PCDH7: variants seen among roughly 807,000 people sequenced by gnomAD.
PCDH7 encodes protocadherin 7.
PCDH7 carries 17 observed loss-of-function variants against 58.9 expected under a neutral mutation model. The ratio of observed to expected loss-of-function variants is 0.29; its 90% CI spans 0.20 to 0.43. The LOEUF (loss-of-function observed/expected upper bound fraction) is 0.43. Ranked by LOEUF, PCDH7 falls within the 20% of genes least tolerant of loss-of-function variation. The probability of loss-of-function intolerance (pLI) is 1.00; values close to 1 mark genes in which losing one functional copy is unlikely to be tolerated. For missense variants in PCDH7, 1,274 were observed against 1,441.0 expected (o/e 0.88, Z 1.88); for synonymous variants, 664 against 616.4 (o/e 1.08, Z -1.14).
At chr4:31,128,783 G>A (rs1040519878) in intron 3 of PCDH7, among the ~76,000 whole-genome samples, 1 of 152,102 alleles carries the variant, frequency 6.6e-6, no homozygotes, top group African/African-American at 2.4e-5. Context: ...TGCATTTTGT[G>A]TTATAAAACA....
downstream of PCDH7, chr4:31,144,861 AT>A (rs1264737731): frequency 1.3e-5 from 2 of 152,164 alleles, no homozygotes; most frequent in Non-Finnish European, 2.9e-5. Flanking sequence ...ATGTTTGATT[AT>A]TATTTACACT....
intron 1 of PCDH7, among the ~76,000 whole-genome samples, chr4:30,787,978 A>G (rs1723629774): frequency 6.6e-6 from 1 of 152,090 alleles, no homozygotes. Flanking sequence ...TATTTAATGC[A>G]ATTGAGCCGT....
chr4:30,880,846 A>G (rs1736870959), intron 1 of PCDH7, among the ~76,000 whole-genome samples: 4 of 152,186 alleles, frequency 2.6e-5, no homozygotes, highest in African/African-American at 7.2e-5. Flanking sequence ...GCGTACTTAA[A>G]TGAAAGCCAA....
At chr4:30,846,234 T>C (rs776061187) in intron 1 of PCDH7, among the ~76,000 whole-genome samples, 1 of 152,250 alleles carries the variant, frequency 6.6e-6, no homozygotes, top group South Asian at 2.1e-4. Context: ...TGTTGATAGT[T>C]GAGGCCTTTA....
At chr4:30,848,539 A>C (rs918873150) in intron 1 of PCDH7, among the ~76,000 whole-genome samples, 6 of 152,244 alleles carry the variant, frequency 3.9e-5, no homozygotes, top group Non-Finnish European at 5.9e-5. Context: ...GCCTAAATGA[A>C]TACTTTTACT....
chr4:31,056,479 A>G (rs1396195199), intron 3 of PCDH7, among the ~76,000 whole-genome samples: 2 of 138,436 alleles, frequency 1.4e-5, no homozygotes, highest in Non-Finnish European at 3.1e-5. Flanking sequence ...GAAAGAAAGA[A>G]AGAAAGAAAG....
chr4:30,840,464 C>T (rs1196556033), intron 1 of PCDH7, among the ~76,000 whole-genome samples: 5 of 152,108 alleles, frequency 3.3e-5, no homozygotes, highest in African/African-American at 4.8e-5. Flanking sequence ...GACCACCTTG[C>T]AGCTTCATCT....
chr4:30,798,475 C>A (rs1481525256), intron 1 of PCDH7, among the ~76,000 whole-genome samples: 1 of 152,128 alleles, frequency 6.6e-6, no homozygotes, highest in African/African-American at 2.4e-5. Context: ...ATGTTTGGTA[C>A]ATGAGACTTA....
intron 1 of PCDH7, among the ~76,000 whole-genome samples, chr4:30,768,411 T>G (rs1261405067): frequency 1.3e-5 from 2 of 149,748 alleles, no homozygotes; most frequent in East Asian, 3.9e-4. Context: ...AGAAAGAAGG[T>G]CGAGTGGATA....
At chr4:30,955,576 C>T (rs1747774016) in intron 3 of PCDH7, among the ~76,000 whole-genome samples, 1 of 151,556 alleles carries the variant, frequency 6.6e-6, no homozygotes, top group Non-Finnish European at 1.5e-5. Context: ...GTCTCAGTCT[C>T]TGTCGCCCAG....
Position 30,721,980 on chromosome 4 carries a change from C to G in PCDH7, c.558C>G (p.Pro186=), listed in dbSNP as rs1179774412. The change falls in exon 1 of 2, where the codon CCC becomes CCG. Residue 186 remains proline, a synonymous_variant. Transcript: ENST00000361762. The surrounding 1 kb of genome is among the most constrained non-coding windows in gnomAD (Gnocchi z 6.7). ...AGCGCTACGAGCTGCTCCAGGAGCC[C>G]GGAGGCGGCGGCAGCGGCGGCGAGA... The G allele has an allele frequency of 3.7e-6, 5 of 1,335,780 alleles. No homozygotes were observed. The highest frequency in any genetic ancestry group is 2.4e-4 in the Middle Eastern group (1 of 4,220). 82.7% of individuals were successfully genotyped at this position (1,335,780 alleles called of 1,614,324 possible).
chr4:31,115,682 T>C (rs1271291495), intron 3 of PCDH7, among the ~76,000 whole-genome samples: 1 of 152,202 alleles, frequency 6.6e-6, no homozygotes, highest in Non-Finnish European at 1.5e-5. Context: ...AAAGAATTCT[T>C]AGAAAATACG....
At chr4:31,035,937 A>C (rs944033015) in intron 3 of PCDH7, among the ~76,000 whole-genome samples, 11 of 152,210 alleles carry the variant, frequency 7.2e-5, no homozygotes, top group South Asian at 2.1e-4. Context: ...CTAAATGTTC[A>C]TAAGACCTGT....
intron 3 of PCDH7, among the ~76,000 whole-genome samples, chr4:31,096,214 G>T (rs1417793409): frequency 6.6e-6 from 1 of 152,188 alleles, no homozygotes; most frequent in Admixed American, 6.5e-5. Context: ...TTTGGGGGAA[G>T]TTAGACGGAA....
intron 1 of PCDH7, among the ~76,000 whole-genome samples, chr4:30,852,927 A>G (rs1732962476): frequency 6.6e-6 from 1 of 150,436 alleles, no homozygotes; most frequent in Admixed American, 6.6e-5. Context: ...CCCAGTGTTT[A>G]TCGGAGATGG....
chr4:30,897,751 A>G (rs1419580477), intron 1 of PCDH7, among the ~76,000 whole-genome samples: 2 of 152,224 alleles, frequency 1.3e-5, no homozygotes, highest in Non-Finnish European at 2.9e-5. Context: ...GAAATAAATT[A>G]TACAGGTTAA....
intron 3 of PCDH7, among the ~76,000 whole-genome samples, chr4:31,131,852 C>G (rs925933053): frequency 6.6e-6 from 1 of 151,948 alleles, no homozygotes; most frequent in Admixed American, 6.6e-5. Flanking sequence ...CTCATGATGA[C>G]TACAGGAAAG....
At chr4:31,019,699 A>AT (rs1452670105) in intron 3 of PCDH7, among the ~76,000 whole-genome samples, 2 of 151,856 alleles carry the variant, frequency 1.3e-5, no homozygotes, top group African/African-American at 2.4e-5. Context: ...AAAAAAAAAA[A>AT]GAAATAGGAT....
intron 3 of PCDH7, among the ~76,000 whole-genome samples, chr4:30,996,330 G>A (rs1413770449): frequency 6.6e-6 from 1 of 152,148 alleles, no homozygotes; most frequent in Non-Finnish European, 1.5e-5. Context: ...GTTTGGAATT[G>A]TTTGCAATGT....
Sources: allele counts gnomAD v4.1 joint callset (sites outside exome capture counted in the v4.1 genomes callset), GRCh38; gene constraint gnomAD v4.1.1; non-coding constraint Gnocchi (gnomAD v3.1); transcripts MANE v1.5; gene names NCBI Gene and HGNC (gene_info 2026-07-23, HGNC 2026-07-21).